Variants in RSPH14 observed in about 807,000 individuals in gnomAD.
RSPH14 encodes the protein rhabdoid tumor deletion region gene 1.
Under a neutral mutation model 26.7 loss-of-function variants are expected in RSPH14, and 20 were observed. The observed-to-expected ratio is 0.75, with a 90% confidence interval of 0.53 to 1.09. The LOEUF (loss-of-function observed/expected upper bound fraction) is 1.09. Among genes scored for constraint, RSPH14 ranks in the 50% least tolerant of loss-of-function variants. RSPH14 has a pLI of 0.00. For missense variants in RSPH14, 449 were observed against 457.2 expected (o/e 0.98, Z 0.16); for synonymous variants, 177 against 189.3 (o/e 0.93, Z 0.53).
Position 23,071,146 on chromosome 22 carries a change from G to A in RSPH14, c.422-7013C>T, listed in dbSNP as rs997861810. ...CTCACAGGCATTTAGAGGAAGAGAT[G>A]AGTATCGACCTGCTGCGATTGTAAT... On this transcript the variant is annotated intron_variant, in intron 4 of 6. Transcript: ENST00000216036. This position sits in a 1 kb window ranked among gnomAD's most constrained non-coding sequence, Gnocchi z 4.1. Among the ~76,000 whole-genome samples the A allele has an allele frequency of 6.6e-6, 1 of 152,214 alleles. No homozygotes were observed. The highest frequency in any genetic ancestry group is 2.4e-5 in the African/African-American group (1 of 41,466).
the RSPH14 span, among the ~76,000 whole-genome samples, chr22:23,167,710 T>A: frequency 0.032 from 4,879 of 151,868 alleles, 169 homozygotes; most frequent in African/African-American, 0.084. Context: ...TTAATTAATT[T>A]ATTTTTTTTT....
intron 4 of RSPH14, among the ~76,000 whole-genome samples, chr22:23,112,540 T>G (rs574142748): frequency 6.6e-6 from 1 of 152,152 alleles, no homozygotes; most frequent in Non-Finnish European, 1.5e-5. Context: ...GAGGGCGAGA[T>G]GGACACTTAG....
chr22:23,076,430 C>G (rs762087592), intron 4 of RSPH14, among the ~76,000 whole-genome samples: 1 of 152,156 alleles, frequency 6.6e-6, no homozygotes. Context: ...TGTGCTCGTG[C>G]GCTGCAGAAC....
At chr22:23,160,959 A>G in the RSPH14 span, 2 of 1,613,246 alleles carry the variant, frequency 1.2e-6, no homozygotes, top group Admixed American at 1.7e-5. Context: ...GGAGAGGCAG[A>G]GCAGTGCCCG....
intron 4 of RSPH14, among the ~76,000 whole-genome samples, chr22:23,114,271 C>T (rs1467788945): frequency 1.3e-5 from 2 of 152,210 alleles, no homozygotes; most frequent in East Asian, 1.9e-4. Flanking sequence ...ATTCACGGTT[C>T]GGATGAACAC....
intron 4 of RSPH14, among the ~76,000 whole-genome samples, chr22:23,116,219 T>C (rs2069831828): frequency 6.6e-6 from 1 of 152,224 alleles, no homozygotes; most frequent in Non-Finnish European, 1.5e-5. Context: ...CTGAGGGGCC[T>C]TCTGGGGGCC....
chr22:23,130,087 GAAA>G (rs1353134395), intron 4 of RSPH14, among the ~76,000 whole-genome samples: 44 of 14,718 alleles, frequency 3.0e-3, no homozygotes, highest in East Asian at 5.3e-3. Flanking sequence ...AAGAAAGGAA[GAAA>G]GAAAGAAAGA....
intron 4 of RSPH14, among the ~76,000 whole-genome samples, chr22:23,110,876 C>T (rs974379906): frequency 1.4e-4 from 21 of 152,176 alleles, no homozygotes; most frequent in Non-Finnish European, 1.5e-4. Flanking sequence ...GGCGAGCACA[C>T]GGGGCAACTC....
intron 4 of RSPH14, among the ~76,000 whole-genome samples, chr22:23,128,354 G>A (rs1368128187): frequency 6.6e-6 from 1 of 152,180 alleles, no homozygotes; most frequent in Non-Finnish European, 1.5e-5. Flanking sequence ...CCCTCTCATC[G>A]GGCTGGGGAG....
intron 4 of RSPH14, among the ~76,000 whole-genome samples, chr22:23,119,296 CT>C (rs2069939219): frequency 6.6e-6 from 1 of 152,248 alleles, no homozygotes; most frequent in African/African-American, 2.4e-5. Flanking sequence ...CTGGCAACAC[CT>C]TTCCCCACTG....
At chr22:23,129,112 C>A (rs773617618) in intron 4 of RSPH14, among the ~76,000 whole-genome samples, 1 of 152,168 alleles carries the variant, frequency 6.6e-6, no homozygotes, top group African/African-American at 2.4e-5. Context: ...TCGCCACCCC[C>A]CAGGCCCCCC....
rs2068372938 is a variant in RSPH14, at chr22:23,071,450, C to A, written c.422-7317G>T. Among the ~76,000 whole-genome samples, 1 of 152,202 alleles carries A rather than the reference C, an allele frequency of 6.6e-6. No individual in the cohort carries two copies. Among genetic ancestry groups the A allele is most frequent in the African/African-American group, 2.4e-5 (1 of 41,468 alleles). ...GGACCCGCCTGGTAGAGAGGTCTGTCTTGCTTGGGGAGACAGCTGAGCCCC... is the reference window on the plus strand; with the variant it reads ...GGACCCGCCTGGTAGAGAGGTCTGTATTGCTTGGGGAGACAGCTGAGCCCC... On this transcript the variant is annotated intron_variant, in intron 4 of 6. Coordinates refer to ENST00000216036, the MANE Select transcript of RSPH14 (RefSeq NM_014433.3). This position sits in a 1 kb window ranked among gnomAD's most constrained non-coding sequence, Gnocchi z 4.1.
intron 4 of RSPH14, among the ~76,000 whole-genome samples, chr22:23,094,985 T>G (rs1022396666): frequency 3.5e-4 from 53 of 152,178 alleles, no homozygotes; most frequent in Non-Finnish European, 5.6e-4. Context: ...GGGGGCTGGG[T>G]GGGCAGAGGC....
chr22:23,155,989 G>C, the RSPH14 span: 2 of 1,612,742 alleles, frequency 1.2e-6, no homozygotes. Context: ...CTGGGCAGGA[G>C]AAGTTCAAGT....
intron 4 of RSPH14, among the ~76,000 whole-genome samples, chr22:23,082,478 CA>C (rs1226498600): frequency 2.0e-5 from 3 of 151,680 alleles, no homozygotes; most frequent in Non-Finnish European, 4.4e-5. Flanking sequence ...CTCAGCCTCC[CA>C]AAGTGCTGGG....
intron 4 of RSPH14, chr22:23,096,507 C>T (rs1191655629): frequency 2.2e-6 from 3 of 1,372,076 alleles, no homozygotes; most frequent in Non-Finnish European, 3.0e-6. Flanking sequence ...GGACAGTCTG[C>T]AGCCAGAAAG....
chr22:23,089,601 T>C (rs934558845), intron 4 of RSPH14, among the ~76,000 whole-genome samples: 5 of 152,096 alleles, frequency 3.3e-5, no homozygotes, highest in Non-Finnish European at 5.9e-5. Context: ...GGGCTATCAC[T>C]CAACATCTGT....
At chr22:23,145,178 C>G, upstream of RSPH14, 1 of 610,640 alleles carries the variant, frequency 1.6e-6, no homozygotes, top group South Asian at 2.0e-5. Flanking sequence ...ATCACCAGAA[C>G]CTGCGCGAAT....
chr22:23,093,694 A>G (rs1312550993), intron 4 of RSPH14, among the ~76,000 whole-genome samples: 3 of 152,230 alleles, frequency 2.0e-5, no homozygotes, highest in South Asian at 2.1e-4. Context: ...GTAAGTCGCC[A>G]GAGGCCACAC....
Sources: gnomAD v4.1 joint callset for allele counts (sites outside exome capture counted in the v4.1 genomes callset) on GRCh38, gnomAD v4.1.1 for gene constraint, Gnocchi (gnomAD v3.1) non-coding constraint, MANE v1.5 for transcripts, NCBI Gene and HGNC (gene_info 2026-07-23, HGNC 2026-07-21) for gene names.